Variants in SLC5A1 observed in about 807,000 individuals in gnomAD.
SLC5A1 encodes the protein solute carrier family 5 member 1, also known as sodium/glucose cotransporter 1.
Under a neutral mutation model 73.5 loss-of-function variants are expected in SLC5A1, and 42 were observed. The observed-to-expected ratio is 0.57, with a 90% CI of 0.45 to 0.74. The LOEUF is 0.74. Ranked by LOEUF, SLC5A1 falls within the 30% of genes least tolerant of loss-of-function variation. SLC5A1 has a pLI of 0.00. For missense variants in SLC5A1, 634 were observed against 855.4 expected (o/e 0.74, Z 3.23); for synonymous variants, 300 against 317.4 (o/e 0.95, Z 0.58).
In SLC5A1 at chr22:32,099,250, G is replaced by A; in HGVS notation, c.1348G>A (p.Gly450Arg). Reference protein sequence around the residue: ...WVPIVQSAQSGQLFDYIQSIT... With the variant: ...WVPIVQSAQSRQLFDYIQSIT... ...GCCCATTGTGCAGTCAGCACAAAGT[G>A]GGCAACTCTTCGATTACATCCAGTC... The change falls in exon 12 of 15, where the codon GGG becomes AGG. Residue 450 changes from glycine to arginine, a missense_variant. Gly to Arg is a moderately radical substitution (Grantham distance 125). This residue lies in a region of SLC5A1 where 422 missense variants were observed against 626.1 expected (regional missense o/e 0.67). Coordinates refer to ENST00000266088, the MANE Select transcript of SLC5A1 (RefSeq NM_000343.4). The A allele has an allele frequency of 6.2e-7, 1 of 1,613,444 alleles. No homozygotes were observed. The highest frequency in any genetic ancestry group is 8.5e-7 in the Non-Finnish European group (1 of 1,179,818).
rs534838128 is a variant in SLC5A1, at chr22:32,102,305, A to T, written c.1665+68A>T. 3.1e-4 allele frequency: 376 copies of T among 1,218,078 alleles called. 4 individuals carry two copies. In the South Asian group the frequency reaches 3.5e-3, roughly 11 times the overall value. The allele number at this position is 1,218,078 out of a possible 1,614,324, so 75.5% of individuals were successfully genotyped here. ...ACTGCAATGTTCTTTAATTTTTTTTAAATTTTTCATTATTATGGGTACATA... is the reference window on the plus strand; with the variant it reads ...ACTGCAATGTTCTTTAATTTTTTTTTAATTTTTCATTATTATGGGTACATA... On this transcript the variant is annotated intron_variant, in intron 13 of 14. Coordinates refer to ENST00000266088, the MANE Select transcript of SLC5A1 (RefSeq NM_000343.4).
intron 2 of SLC5A1, among the ~76,000 whole-genome samples, chr22:32,056,904 C>T (rs1038459845): frequency 1.3e-5 from 2 of 152,202 alleles, no homozygotes; most frequent in Non-Finnish European, 2.9e-5. Context: ...TGTGTAAAAG[C>T]ATCAATACTT....
chr22:32,066,521 T>C (rs756037741), intron 2 of SLC5A1, among the ~76,000 whole-genome samples: 3 of 152,208 alleles, frequency 2.0e-5, no homozygotes, highest in Admixed American at 6.5e-5. Flanking sequence ...AGAGCCTGTA[T>C]TGGGCAAGAC....
chr22:32,046,194 A>G (rs1022220655), intron 1 of SLC5A1, among the ~76,000 whole-genome samples: 1 of 152,192 alleles, frequency 6.6e-6, no homozygotes, highest in Admixed American at 6.5e-5. Flanking sequence ...CAGATGAATC[A>G]GTCCCAGAGC....
chr22:32,105,019 T>C (rs77132907), intron 14 of SLC5A1, 128 bp downstream of exon 14: 40,165 of 742,254 alleles, frequency 0.054, 1,334 homozygotes, highest in Non-Finnish European at 0.07. Context: ...CAGTGAGGAG[T>C]AGGGTGGGGA....
At chr22:32,086,479 T>G (rs995552777) in intron 10 of SLC5A1, 152 bp downstream of exon 10, 9 of 678,094 alleles carry the variant, frequency 1.3e-5, no homozygotes, top group Non-Finnish European at 2.4e-5. Context: ...CCTCAGTTTT[T>G]GGACATGTCC....
At chr22:32,086,118 G>C (rs1163192849) in intron 9 of SLC5A1, 102 bp from the exon 10 acceptor site, 1 of 764,610 alleles carries the variant, frequency 1.3e-6, no homozygotes, top group Non-Finnish European at 2.3e-6. Flanking sequence ...TCCAGCCTGG[G>C]CTACAGAGTG....
chr22:32,067,945 C>A, intron 3 of SLC5A1, 22 bp from the exon 4 acceptor site: 2 of 1,613,920 alleles, frequency 1.2e-6, no homozygotes, highest in South Asian at 2.2e-5. Context: ...TAATTTGAGT[C>A]CACCTTTTGT....
intron 1 of SLC5A1, among the ~76,000 whole-genome samples, chr22:32,049,191 AT>A (rs367817681): frequency 2.2e-3 from 89 of 40,894 alleles, no homozygotes; most frequent in South Asian, 0.011. Flanking sequence ...ATCTATATCT[AT>A]ATCTATATCT....
chr22:32,062,678 C>A (rs1300659506), intron 2 of SLC5A1, among the ~76,000 whole-genome samples: 1 of 152,150 alleles, frequency 6.6e-6, no homozygotes, highest in East Asian at 1.9e-4. Context: ...GGCACTGGGT[C>A]ACTCCCTGCA....
At chr22:32,107,365 C>T (rs970237032) in intron 14 of SLC5A1, among the ~76,000 whole-genome samples, 3 of 152,124 alleles carry the variant, frequency 2.0e-5, no homozygotes, top group East Asian at 1.9e-4. Flanking sequence ...AGAATTCATC[C>T]GATTTTAACT....
Position 32,085,689 on chromosome 22 carries a change from G to A in SLC5A1, c.1022-531G>A, listed in dbSNP as rs956182917. On this transcript the variant is annotated intron_variant, in intron 9 of 14. Coordinates refer to ENST00000266088, the MANE Select transcript of SLC5A1 (RefSeq NM_000343.4). ...AATGTTTCTTTGATTTCTTTCCTCC[G>A]TTGCCTAGAAATTGTCTTTCTTCCT... Among the ~76,000 whole-genome samples, 13 of 150,886 alleles carry A rather than the reference G, an allele frequency of 8.6e-5. 1 individual carries two copies. Among genetic ancestry groups the A allele is most frequent in the African/African-American group, 2.4e-4 (10 of 41,014 alleles).
intron 8 of SLC5A1, 99 bp downstream of exon 8, chr22:32,084,758 G>C: frequency 6.7e-7 from 1 of 1,494,220 alleles, no homozygotes; most frequent in South Asian, 1.1e-5. Flanking sequence ...AGGGAGGGGA[G>C]AGCTCAGGTG....
At chr22:32,090,539 C>G (rs2094015443) in intron 10 of SLC5A1, among the ~76,000 whole-genome samples, 1 of 151,966 alleles carries the variant, frequency 6.6e-6, no homozygotes, top group African/African-American at 2.4e-5. Context: ...TTGTCAATTG[C>G]TTATGCATTT....
At chr22:32,097,473 G>A (rs571552656) in intron 11 of SLC5A1, among the ~76,000 whole-genome samples, 2 of 152,332 alleles carry the variant, frequency 1.3e-5, no homozygotes, top group Admixed American at 6.5e-5. Context: ...ATTCAATCAA[G>A]AGCACAAATA....
At chr22:32,097,120 T>G (rs897936170) in intron 11 of SLC5A1, among the ~76,000 whole-genome samples, 2 of 152,254 alleles carry the variant, frequency 1.3e-5, no homozygotes, top group Admixed American at 1.3e-4. Context: ...CCTGAGACTA[T>G]GTTGGGGCTC....
At chr22:32,080,718 G>A (rs1255475831) in intron 5 of SLC5A1, among the ~76,000 whole-genome samples, 3 of 152,290 alleles carry the variant, frequency 2.0e-5, no homozygotes, top group Non-Finnish European at 4.4e-5. Flanking sequence ...AGACTCAGCT[G>A]GGCGCAGTGG....
chr22:32,060,013 A>T (rs1005488393), intron 2 of SLC5A1, among the ~76,000 whole-genome samples: 1 of 89,548 alleles, frequency 1.1e-5, no homozygotes, highest in African/African-American at 3.8e-5. Flanking sequence ...GGCCATGGTT[A>T]TACACACACA....
intron 11 of SLC5A1, among the ~76,000 whole-genome samples, chr22:32,093,069 C>T (rs2094020641): frequency 6.6e-6 from 1 of 152,156 alleles, no homozygotes; most frequent in Non-Finnish European, 1.5e-5. Context: ...GTCCTTTCCC[C>T]ACTTTATATT....
Sources: gnomAD v4.1 joint callset for allele counts (sites outside exome capture counted in the v4.1 genomes callset) on GRCh38, gnomAD v4.1.1 for gene constraint, gnomAD v4.1.1 regional missense constraint, MANE v1.5 for transcripts, NCBI Gene and HGNC (gene_info 2026-07-23, HGNC 2026-07-21) for gene names.